The following WWOX variants were observed in gnomAD, a reference collection of about 807,000 sequenced individuals.
The protein encoded by WWOX is WW domain-containing oxidoreductase.
WWOX carries 69 observed loss-of-function variants against 46.2 expected under a neutral mutation model. That is an observed-to-expected ratio of 1.49 (90% CI 1.23 to 1.82). The LOEUF is 1.82. WWOX is among the 40% of genes most tolerant of loss of function. The pLI is 0.00. For synonymous variants in WWOX, 359 were observed against 202.6 expected (o/e 1.77, Z -6.56); for missense variants, 919 against 542.6 (o/e 1.69, Z -6.89).
chr16:78,888,111 C>T (rs1177429496), intron 8 of WWOX, among the ~76,000 whole-genome samples: 1 of 152,170 alleles, frequency 6.6e-6, no homozygotes, highest in African/African-American at 2.4e-5. Context: ...AATCAACTTT[C>T]TTGTTGTAGT....
At chr16:78,538,562 C>A (rs889267541) in intron 8 of WWOX, among the ~76,000 whole-genome samples, 4 of 152,170 alleles carry the variant, frequency 2.6e-5, no homozygotes, top group African/African-American at 9.7e-5. Context: ...GCTCTGAACT[C>A]CTGAACTGCT....
chr16:78,536,593 T>G (rs1484249572), intron 8 of WWOX, among the ~76,000 whole-genome samples: 3 of 152,124 alleles, frequency 2.0e-5, no homozygotes, highest in African/African-American at 4.8e-5. Context: ...CAGTACTGTT[T>G]GAGCCTCCCC....
chr16:78,671,790 A>G (rs1257064134), intron 8 of WWOX, among the ~76,000 whole-genome samples: 1 of 152,198 alleles, frequency 6.6e-6, no homozygotes, highest in East Asian at 1.9e-4. Context: ...ATCAGTATTC[A>G]ATTTGCCTTG....
intron 8 of WWOX, among the ~76,000 whole-genome samples, chr16:79,183,642 A>T (rs1484997036): frequency 6.6e-6 from 1 of 152,348 alleles, no homozygotes; most frequent in South Asian, 2.1e-4. Context: ...AATAATTATT[A>T]TAACAAATGT....
intron 4 of WWOX, among the ~76,000 whole-genome samples, chr16:78,144,952 T>C (rs2034148441): frequency 6.6e-6 from 1 of 152,306 alleles, no homozygotes; most frequent in South Asian, 2.1e-4. Context: ...CTCTTAAGAG[T>C]ACATCTTATT....
At chr16:79,033,347 A>C (rs1052371743) in intron 8 of WWOX, among the ~76,000 whole-genome samples, 3 of 149,058 alleles carry the variant, frequency 2.0e-5, no homozygotes, top group Admixed American at 6.7e-5. Flanking sequence ...TTACATATAC[A>C]TAATATATAC....
At chr16:78,714,449 G>A (rs901406678) in intron 8 of WWOX, among the ~76,000 whole-genome samples, 3 of 151,918 alleles carry the variant, frequency 2.0e-5, no homozygotes, top group East Asian at 3.9e-4. Context: ...CCATGATTCA[G>A]TTACCTCCCA....
chr16:78,102,865 C>CA (rs1280546744), intron 1 of WWOX, among the ~76,000 whole-genome samples: 8 of 152,220 alleles, frequency 5.3e-5, no homozygotes, highest in African/African-American at 1.9e-4. Flanking sequence ...TTGGGAGGGT[C>CA]AGCCGCAGGC....
intron 8 of WWOX, among the ~76,000 whole-genome samples, chr16:78,840,659 A>T (rs1204198910): frequency 1.3e-5 from 2 of 149,958 alleles, no homozygotes; most frequent in Non-Finnish European, 3.0e-5. Context: ...TTAAATTTGG[A>T]TTCTGATTCA....
At chr16:78,422,458 T>G (rs1480462978) in intron 6 of WWOX, among the ~76,000 whole-genome samples, 1 of 150,700 alleles carries the variant, frequency 6.6e-6, no homozygotes, top group Non-Finnish European at 1.5e-5. Context: ...AATCCTCCTA[T>G]CTCAGCCTCC....
intron 8 of WWOX, among the ~76,000 whole-genome samples, chr16:79,039,452 C>T (rs1255303307): frequency 6.6e-6 from 1 of 152,030 alleles, no homozygotes; most frequent in Non-Finnish European, 1.5e-5. Context: ...TCCTCCTGGG[C>T]ACAGCTGTGC....
At chr16:78,716,588 C>G (rs555302145) in intron 8 of WWOX, among the ~76,000 whole-genome samples, 8 of 152,264 alleles carry the variant, frequency 5.3e-5, no homozygotes, top group Non-Finnish European at 1.0e-4. Context: ...CCCTGCCAGG[C>G]AAGTTCGTGT....
At chr16:78,649,547 G>C (rs991165972) in intron 8 of WWOX, among the ~76,000 whole-genome samples, 1 of 152,174 alleles carries the variant, frequency 6.6e-6, no homozygotes, top group Non-Finnish European at 1.5e-5. Context: ...AAAGTGCTGG[G>C]ATTACAGGCT....
intron 8 of WWOX, among the ~76,000 whole-genome samples, chr16:78,715,023 A>G (rs948881267): frequency 6.6e-6 from 1 of 152,180 alleles, no homozygotes; most frequent in Non-Finnish European, 1.5e-5. Context: ...GTGGTGGCTC[A>G]TAATCCCAGC....
At chr16:78,845,077 C>T (rs1423627299) in intron 8 of WWOX, among the ~76,000 whole-genome samples, 1 of 150,862 alleles carries the variant, frequency 6.6e-6, no homozygotes, top group African/African-American at 2.4e-5. Context: ...TCCAAAGGGT[C>T]GTTGTCTCCT....
intron 8 of WWOX, among the ~76,000 whole-genome samples, chr16:79,193,788 G>T (rs571829619): frequency 6.6e-6 from 1 of 152,200 alleles, no homozygotes; most frequent in Admixed American, 6.5e-5. Flanking sequence ...TCACAAAGGG[G>T]GTGGCAGCTG....
intron 8 of WWOX, among the ~76,000 whole-genome samples, chr16:78,510,348 G>C (rs2085332225): frequency 6.6e-6 from 1 of 152,078 alleles, no homozygotes; most frequent in Non-Finnish European, 1.5e-5. Flanking sequence ...TGGGATTATA[G>C]ACACCCACCA....
chr16:78,878,901 G>GAAA (rs111647544), intron 8 of WWOX, among the ~76,000 whole-genome samples: 10,485 of 86,180 alleles, frequency 0.12, 891 homozygotes, highest in Middle Eastern at 0.16. Context: ...ACAAAAAAAT[G>GAAA]AAAAAAAAAA....
chr16:78,929,079 C>A (rs776559690), intron 8 of WWOX, among the ~76,000 whole-genome samples: 9 of 152,098 alleles, frequency 5.9e-5, no homozygotes, highest in Non-Finnish European at 1.2e-4. Flanking sequence ...ACAGAACATC[C>A]AAGTAGACAT....
Sources: allele counts gnomAD v4.1 joint callset (sites outside exome capture counted in the v4.1 genomes callset), GRCh38; gene constraint gnomAD v4.1.1; transcripts MANE v1.5; gene names NCBI Gene and HGNC (gene_info 2026-07-23, HGNC 2026-07-21).